Variants in SLC20A2 observed in about 807,000 individuals in gnomAD.
SLC20A2 encodes solute carrier family 20 member 2.
SLC20A2 carries 30 observed loss-of-function variants against 61.0 expected under a neutral mutation model. The observed-to-expected ratio is 0.49, with a 90% CI of 0.37 to 0.67. The LOEUF is 0.67. Ranked by LOEUF, SLC20A2 falls within the 30% of genes least tolerant of loss-of-function variation. SLC20A2 has a pLI of 0.00. For missense variants in SLC20A2, 626 were observed against 866.4 expected (o/e 0.72, Z 3.48); for synonymous variants, 351 against 353.3 (o/e 0.99, Z 0.07).
intron 2 of SLC20A2, among the ~76,000 whole-genome samples, chr8:42,468,642 G>C (rs753877783): frequency 6.6e-6 from 1 of 152,070 alleles, no homozygotes; most frequent in Admixed American, 6.6e-5. Flanking sequence ...TGCAAGCCAC[G>C]ACCTAGGGAA....
At chr8:42,540,030 G>A (rs1563561338) in intron 1 of SLC20A2, among the ~76,000 whole-genome samples, 1 of 152,316 alleles carries the variant, frequency 6.6e-6, no homozygotes, top group East Asian at 1.9e-4. Flanking sequence ...GGTGGCTCAC[G>A]CCTGTAATCC....
chr8:42,525,206 T>C (rs886264439), intron 1 of SLC20A2, among the ~76,000 whole-genome samples: 2 of 152,192 alleles, frequency 1.3e-5, no homozygotes, highest in African/African-American at 4.8e-5. Flanking sequence ...GCAACTCTGG[T>C]GACAGATACA....
intron 1 of SLC20A2, among the ~76,000 whole-genome samples, chr8:42,525,581 CAAAAAAAAAAAAA>C (rs34356863): frequency 1.5e-5 from 1 of 68,722 alleles, no homozygotes; most frequent in South Asian, 5.6e-4. Flanking sequence ...GACTCTGTCT[CAAAAAAAAAAAAA>C]AAAAAAAAAA....
chr8:42,494,672 A>G (rs1809780180), intron 1 of SLC20A2, among the ~76,000 whole-genome samples: 1 of 152,186 alleles, frequency 6.6e-6, no homozygotes, highest in African/African-American at 2.4e-5. Context: ...AAATACAATA[A>G]ATTATTTAAT....
At chr8:42,477,531 C>T (rs1043167290) in intron 1 of SLC20A2, among the ~76,000 whole-genome samples, 16 of 135,954 alleles carry the variant, frequency 1.2e-4, no homozygotes, top group Admixed American at 7.7e-4. Context: ...AGTGCAGTGG[C>T]GCGATCTTGG....
At chr8:42,491,573 A>C (rs1809518622) in intron 1 of SLC20A2, among the ~76,000 whole-genome samples, 1 of 151,690 alleles carries the variant, frequency 6.6e-6, no homozygotes, top group South Asian at 2.1e-4. Flanking sequence ...TGGGAGGCTG[A>C]GGCAAGAGAA....
chr8:42,511,655 G>A (rs1054721558), intron 1 of SLC20A2, among the ~76,000 whole-genome samples: 18 of 151,544 alleles, frequency 1.2e-4, no homozygotes, highest in Non-Finnish European at 2.5e-4. Flanking sequence ...GTCACTGTTA[G>A]GGTAAGCAGT....
At chr8:42,496,326 C>A (rs35692307) in intron 1 of SLC20A2, among the ~76,000 whole-genome samples, 3,582 of 152,242 alleles carry the variant, frequency 0.024, 57 homozygotes, top group Middle Eastern at 0.082. Context: ...CTCTCAGCAG[C>A]CTGTGTTTTC....
chr8:42,476,879 A>G (rs1563503529), intron 1 of SLC20A2, among the ~76,000 whole-genome samples: 1 of 152,196 alleles, frequency 6.6e-6, no homozygotes, highest in Non-Finnish European at 1.5e-5. Context: ...CTCTAGGTCC[A>G]TTCCCGTCCG....
intron 1 of SLC20A2, among the ~76,000 whole-genome samples, chr8:42,500,703 G>A (rs1021965172): frequency 1.3e-5 from 2 of 152,074 alleles, no homozygotes; most frequent in African/African-American, 4.8e-5. Context: ...AGAAAACAAA[G>A]CTCAATGACA....
chr8:42,494,644 T>A (rs1338037174), intron 1 of SLC20A2, among the ~76,000 whole-genome samples: 1 of 152,252 alleles, frequency 6.6e-6, no homozygotes, highest in Non-Finnish European at 1.5e-5. Context: ...AATGGCTGCG[T>A]AGTGTTCTAT....
chr8:42,501,522 A>T (rs1810320475), upstream of SLC20A2: 1 of 152,280 alleles, frequency 6.6e-6, no homozygotes, highest in African/African-American at 2.4e-5. Flanking sequence ...CACAAGCAAA[A>T]GCAAAGCAAA....
intron 7 of SLC20A2, 74 bp downstream of exon 7, chr8:42,439,376 C>G: frequency 6.9e-7 from 1 of 1,452,154 alleles, no homozygotes; most frequent in Non-Finnish European, 9.5e-7. Flanking sequence ...TTGCCCACAC[C>G]CAGGCCCAGC....
At chr8:42,493,314 G>A (rs2131321656) in intron 1 of SLC20A2, among the ~76,000 whole-genome samples, 1 of 152,348 alleles carries the variant, frequency 6.6e-6, no homozygotes, top group Admixed American at 6.5e-5. Flanking sequence ...AGAAATGACT[G>A]AGGGAGCCAG....
intron 1 of SLC20A2, among the ~76,000 whole-genome samples, chr8:42,533,265 G>T (rs1812454613): frequency 6.6e-6 from 1 of 152,154 alleles, no homozygotes; most frequent in Non-Finnish European, 1.5e-5. Context: ...TGAAAACAAT[G>T]ACATGCACTT....
At chr8:42,466,983 T>C (rs1210257491) in intron 2 of SLC20A2, among the ~76,000 whole-genome samples, 2 of 152,132 alleles carry the variant, frequency 1.3e-5, no homozygotes, top group Non-Finnish European at 2.9e-5. Flanking sequence ...TATTAAAATT[T>C]TTTTGCAGAG....
chr8:42,534,287 A>T (rs1220983529), intron 1 of SLC20A2, among the ~76,000 whole-genome samples: 2 of 152,216 alleles, frequency 1.3e-5, no homozygotes, highest in African/African-American at 2.4e-5. Context: ...TGTCTCAAAA[A>T]AAATAAATAA....
upstream of SLC20A2, among the ~76,000 whole-genome samples, chr8:42,505,917 A>G (rs972380051): frequency 2.0e-5 from 3 of 151,902 alleles, no homozygotes; most frequent in African/African-American, 7.3e-5. Flanking sequence ...TCAAAAAATG[A>G]ACATTGAAGA....
chr8:42,470,035 T>C (rs1403860971), intron 2 of SLC20A2, among the ~76,000 whole-genome samples: 1 of 152,116 alleles, frequency 6.6e-6, no homozygotes, highest in Non-Finnish European at 1.5e-5. Context: ...AATTTCCACT[T>C]GATGGAATTA....
Sources: gnomAD v4.1 joint callset for allele counts (sites outside exome capture counted in the v4.1 genomes callset) on GRCh38, gnomAD v4.1.1 for gene constraint, MANE v1.5 for transcripts, NCBI Gene and HGNC (gene_info 2026-07-23, HGNC 2026-07-21) for gene names.